The following ERC2 variants were observed in gnomAD, a reference collection of about 807,000 sequenced individuals.
ERC2 encodes the protein ERC protein 2.
ERC2 carries 42 observed loss-of-function variants against 114.8 expected under a neutral mutation model. The ratio of observed to expected loss-of-function variants is 0.37; its 90% CI spans 0.29 to 0.47. The LOEUF (loss-of-function observed/expected upper bound fraction) is 0.47. ERC2 is among the 20% of genes least tolerant of loss of function. The pLI is 0.99. For synonymous variants in ERC2, 454 were observed against 425.5 expected (o/e 1.07, Z -0.82); for missense variants, 939 against 1,150.7 (o/e 0.82, Z 2.66).
At chr3:55,859,096 C>A (rs1332193118) in intron 14 of ERC2, among the ~76,000 whole-genome samples, 2 of 152,138 alleles carry the variant, frequency 1.3e-5, no homozygotes, top group Non-Finnish European at 2.9e-5. Flanking sequence ...ATACTCACCC[C>A]TCTCCAATAG....
chr3:55,714,661 GTGTGTGTATATATATATATATA>G (rs1281676963), intron 15 of ERC2, among the ~76,000 whole-genome samples: 1,125 of 71,742 alleles, frequency 0.016, 35 homozygotes, highest in African/African-American at 0.037. Flanking sequence ...GTGTGTGTGT[GTGTGTGTATATATATATATATA>G]TATATATATA....
intron 7 of ERC2, among the ~76,000 whole-genome samples, chr3:56,038,964 A>T (rs1262628852): frequency 6.6e-6 from 1 of 152,182 alleles, no homozygotes; most frequent in Non-Finnish European, 1.5e-5. Flanking sequence ...ACATCAGGAA[A>T]AATAGCTAAT....
At chr3:55,559,876 A>G (rs1472782422) in intron 17 of ERC2, among the ~76,000 whole-genome samples, 1 of 152,236 alleles carries the variant, frequency 6.6e-6, no homozygotes, top group Non-Finnish European at 1.5e-5. Context: ...TTTCTGGGGA[A>G]ACAGAGCGCT....
chr3:55,854,913 C>T lies in ERC2; in HGVS notation c.2564+33476G>A, dbSNP rs556471684. 6.6e-5 allele frequency among the ~76,000 whole-genome samples: 10 copies of T among 152,126 alleles called. No individual in the cohort carries two copies. The South Asian group carries it at 1.5e-3, about 22-fold the overall frequency. On this transcript the variant is annotated intron_variant, in intron 14 of 17. Coordinates refer to ENST00000288221, the MANE Select transcript of ERC2 (RefSeq NM_015576.3). ...CTTGTTTTAACAGAGAGCTCCTCCC[C>T]GGAAGCTCAGCTGTAAATAGAGACC... is the stretch of plus-strand genomic sequence containing the variant.
intron 2 of ERC2, among the ~76,000 whole-genome samples, chr3:56,328,668 A>G (rs1393354210): frequency 6.6e-6 from 1 of 152,154 alleles, no homozygotes; most frequent in Non-Finnish European, 1.5e-5. Context: ...TTTAATCCTA[A>G]CTACTTTGAG....
intron 2 of ERC2, among the ~76,000 whole-genome samples, chr3:56,384,193 C>A (rs1182787455): frequency 2.0e-5 from 3 of 152,064 alleles, no homozygotes; most frequent in Admixed American, 6.6e-5. Flanking sequence ...TGAGTCCCTG[C>A]ATTAAATTAT....
At chr3:56,257,015 C>T (rs1273087704) in intron 3 of ERC2, among the ~76,000 whole-genome samples, 2 of 152,084 alleles carry the variant, frequency 1.3e-5, no homozygotes, top group East Asian at 3.9e-4. Context: ...ACTTTTGTGA[C>T]CTTGAAAAGA....
intron 3 of ERC2, among the ~76,000 whole-genome samples, chr3:56,235,930 T>C (rs1207346848): frequency 2.6e-5 from 4 of 152,100 alleles, no homozygotes; most frequent in African/African-American, 7.2e-5. Flanking sequence ...TACAGACATA[T>C]CAGTTTGAAA....
chr3:55,752,298 A>G lies in ERC2; in HGVS notation c.2565-17380T>C, dbSNP rs560180337. On this transcript the variant is annotated intron_variant, in intron 14 of 17. Transcript: ENST00000288221. ...TCTTACAGCTAAGGGGTCTATTTCTATGGTGTGCTGGAGCTGGCTGCTAGC... is the reference window on the plus strand; with the variant it reads ...TCTTACAGCTAAGGGGTCTATTTCTGTGGTGTGCTGGAGCTGGCTGCTAGC... 3.9e-4 allele frequency among the ~76,000 whole-genome samples: 59 copies of G among 152,286 alleles called. 1 individual carries two copies. In the South Asian group the frequency reaches 0.012, roughly 31 times the overall value.
intron 2 of ERC2, among the ~76,000 whole-genome samples, chr3:56,413,483 A>G (rs1282841643): frequency 1.3e-5 from 2 of 152,100 alleles, no homozygotes; most frequent in Admixed American, 1.3e-4. Context: ...TTACCTAATC[A>G]AAAAATCCCT....
chr3:56,183,474 A>G (rs1416887532), intron 3 of ERC2, among the ~76,000 whole-genome samples: 3 of 152,204 alleles, frequency 2.0e-5, no homozygotes, highest in African/African-American at 4.8e-5. Context: ...GCATACAATC[A>G]TCATTGAAAT....
intron 6 of ERC2, among the ~76,000 whole-genome samples, chr3:56,132,550 T>C (rs2080264574): frequency 1.3e-5 from 2 of 152,184 alleles, no homozygotes; most frequent in Non-Finnish European, 2.9e-5. Flanking sequence ...GGTAGGAGAA[T>C]GGTGTGAACC....
chr3:55,532,528 T>G (rs1345146166), intron 17 of ERC2, among the ~76,000 whole-genome samples: 1 of 152,200 alleles, frequency 6.6e-6, no homozygotes, highest in Non-Finnish European at 1.5e-5. Flanking sequence ...ATGAACCAGG[T>G]GTCAAGTACA....
At chr3:56,210,837 T>C (rs1560381389) in intron 3 of ERC2, among the ~76,000 whole-genome samples, 1 of 152,168 alleles carries the variant, frequency 6.6e-6, no homozygotes, top group Non-Finnish European at 1.5e-5. Context: ...AAGTTACATA[T>C]ACTGACACTT....
chr3:56,444,636 C>A (rs1322729604), intron 1 of ERC2, among the ~76,000 whole-genome samples: 2 of 152,120 alleles, frequency 1.3e-5, no homozygotes, highest in African/African-American at 2.4e-5. Flanking sequence ...CAGGGGAGAA[C>A]CTTGATTCCT....
intron 17 of ERC2, among the ~76,000 whole-genome samples, chr3:55,643,594 T>G (rs1398227817): frequency 1.3e-5 from 2 of 152,216 alleles, no homozygotes; most frequent in Non-Finnish European, 2.9e-5. Flanking sequence ...TAATGATAAT[T>G]CCTACCTCAT....
In ERC2 at chr3:55,727,808, G is replaced by C. The variant is rs572025926; in HGVS notation, c.2712+6963C>G. Among the ~76,000 whole-genome samples, 3 of 152,290 alleles carry C rather than the reference G, an allele frequency of 2.0e-5. No homozygotes were observed. The South Asian group carries it at 6.2e-4, about 32-fold the overall frequency. On this transcript the variant is annotated intron_variant, in intron 15 of 17. Transcript: ENST00000288221. Reference sequence around the variant, plus strand: ...GAGCCCAAGAAATTGGAGGAGATTTGAACTAGAAGAAGGTAAAAAAATTTG... The same window carrying C: ...GAGCCCAAGAAATTGGAGGAGATTTCAACTAGAAGAAGGTAAAAAAATTTG...
At chr3:55,867,607 T>A (rs1334172734) in intron 14 of ERC2, among the ~76,000 whole-genome samples, 1 of 152,238 alleles carries the variant, frequency 6.6e-6, no homozygotes, top group Non-Finnish European at 1.5e-5. Context: ...AATGTATGCA[T>A]GAGAAAAGAG....
chr3:56,327,965 G>A (rs1187175661), intron 2 of ERC2, among the ~76,000 whole-genome samples: 1 of 152,206 alleles, frequency 6.6e-6, no homozygotes, highest in Non-Finnish European at 1.5e-5. Context: ...TGAACTGTGT[G>A]ATGCAGGAAG....
Sources: allele counts gnomAD v4.1 joint callset (sites outside exome capture counted in the v4.1 genomes callset), GRCh38; gene constraint gnomAD v4.1.1; transcripts MANE v1.5; gene names NCBI Gene and HGNC (gene_info 2026-07-23, HGNC 2026-07-21).